The following WWOX variants were observed in gnomAD, a reference collection of about 807,000 sequenced individuals.
The protein encoded by WWOX is WW domain-containing oxidoreductase.
Under a neutral mutation model 46.2 loss-of-function variants are expected in WWOX, and 69 were observed. The observed-to-expected ratio is 1.49, with a 90% CI of 1.23 to 1.82. The LOEUF is 1.82. Ranked by LOEUF, WWOX falls within the 40% of genes most tolerant of loss-of-function variation. The pLI, the probability that WWOX is intolerant of heterozygous loss-of-function variation, is 0.00. For missense variants in WWOX, 919 were observed against 542.6 expected (o/e 1.69, Z -6.89); for synonymous variants, 359 against 202.6 (o/e 1.77, Z -6.56).
rs34129775 is a variant in WWOX at position 78,640,226 on chromosome 16, GTTTTTTTTTTTT to G, written c.1056+207491_1056+207502del. 1.4e-3 allele frequency among the ~76,000 whole-genome samples: 89 copies of G among 65,378 alleles called. No homozygotes were observed. In the Middle Eastern group the frequency reaches 0.047, roughly 34 times the overall value. The allele number at this position is 65,378 out of a possible 152,430, so 42.9% of individuals were successfully genotyped here. ...GTGTGTGTTTTCTTCTTGTTGTTGGGTTTTTTTTTTTTTTTTTTTTTTTTTTTTGGCTTTTGC... is the reference window on the plus strand; with the variant it reads ...GTGTGTGTTTTCTTCTTGTTGTTGGGTTTTTTTTTTTTTTTTGGCTTTTGC... On this transcript the variant is annotated intron_variant, in intron 8 of 8. Transcript: ENST00000566780.
At chr16:78,984,003 G>T (rs1037973459) in intron 8 of WWOX, among the ~76,000 whole-genome samples, 2 of 148,814 alleles carry the variant, frequency 1.3e-5, no homozygotes, top group Admixed American at 6.8e-5. Context: ...TCAGCCTCCC[G>T]AGTAGCTGGG....
At chr16:78,774,635 C>G (rs773602817) in intron 8 of WWOX, among the ~76,000 whole-genome samples, 9 of 152,034 alleles carry the variant, frequency 5.9e-5, no homozygotes, top group Admixed American at 5.9e-4. Flanking sequence ...TTGTTCTTAA[C>G]CATGAGGTGC....
intron 8 of WWOX, among the ~76,000 whole-genome samples, chr16:78,648,645 A>G (rs963330676): frequency 6.6e-5 from 10 of 152,204 alleles, no homozygotes; most frequent in East Asian, 5.8e-4. Flanking sequence ...CCCCAAACCA[A>G]TCATACAGGA....
Position 78,812,133 on chromosome 16 carries a change from A to C in WWOX, c.1056+379381A>C, listed in dbSNP as rs537722309. ...CCCAGCCACCACAGAGACCAAATAC[A>C]GTAGGTACCAATGCATGGCAATGCA... On this transcript the variant is annotated intron_variant, in intron 8 of 8. Transcript: ENST00000566780. Among the ~76,000 whole-genome samples, 3 of 152,230 alleles carry C rather than the reference A, an allele frequency of 2.0e-5. No homozygotes were observed. In the South Asian group the frequency reaches 6.2e-4, roughly 32 times the overall value.
intron 8 of WWOX, among the ~76,000 whole-genome samples, chr16:78,494,014 TTTAG>T (rs1877669713): frequency 6.6e-6 from 1 of 152,110 alleles, no homozygotes; most frequent in Admixed American, 6.5e-5. Context: ...AGAAGGGAGG[TTTAG>T]TTGGCTCGTG....
At chr16:78,836,491 A>T (rs1394754402) in intron 8 of WWOX, among the ~76,000 whole-genome samples, 1 of 152,146 alleles carries the variant, frequency 6.6e-6, no homozygotes, top group Admixed American at 6.6e-5. Context: ...AGGATCTCAC[A>T]TTGGTATTTT....
chr16:79,114,864 G>A (rs1268559753), intron 8 of WWOX, among the ~76,000 whole-genome samples: 1 of 152,196 alleles, frequency 6.6e-6, no homozygotes, highest in East Asian at 1.9e-4. Flanking sequence ...CCTTTAATGG[G>A]CGTAGATGTT....
intron 8 of WWOX, among the ~76,000 whole-genome samples, chr16:79,127,411 G>A (rs1376704589): frequency 6.6e-6 from 1 of 152,078 alleles, no homozygotes; most frequent in Non-Finnish European, 1.5e-5. Flanking sequence ...ATATATCTTA[G>A]AGATGGTTCT....
At chr16:78,847,920 A>C (rs1017161601) in intron 8 of WWOX, among the ~76,000 whole-genome samples, 1 of 152,174 alleles carries the variant, frequency 6.6e-6, no homozygotes, top group African/African-American at 2.4e-5. Context: ...CGTTGCTTAC[A>C]ACCCTGTGAC....
intron 8 of WWOX, among the ~76,000 whole-genome samples, chr16:78,636,473 TACTG>T: frequency 6.6e-6 from 1 of 152,340 alleles, no homozygotes; most frequent in Non-Finnish European, 1.5e-5. Context: ...AATAAACTGA[TACTG>T]ACTTAATGAG....
At chr16:79,006,050 G>A (rs767403161) in intron 8 of WWOX, among the ~76,000 whole-genome samples, 1 of 152,186 alleles carries the variant, frequency 6.6e-6, no homozygotes, top group Non-Finnish European at 1.5e-5. Context: ...GCTCAGCGCT[G>A]AGTGAACCCA....
At chr16:78,134,213 T>C (rs1047576905) in intron 4 of WWOX, among the ~76,000 whole-genome samples, 2 of 152,226 alleles carry the variant, frequency 1.3e-5, no homozygotes, top group African/African-American at 4.8e-5. Context: ...TTTAAAACCA[T>C]GTGATAGAAA....
intron 6 of WWOX, among the ~76,000 whole-genome samples, chr16:78,397,730 C>G (rs1201313506): frequency 1.3e-5 from 2 of 152,212 alleles, no homozygotes; most frequent in East Asian, 3.9e-4. Context: ...CTTCTTTCAG[C>G]CAATTTTCCT....
At chr16:78,782,332 GTTTTCCTACT>G (rs1567555993) in intron 8 of WWOX, among the ~76,000 whole-genome samples, 1 of 152,070 alleles carries the variant, frequency 6.6e-6, no homozygotes, top group Admixed American at 6.6e-5. Flanking sequence ...CATCCTCTCT[GTTTTCCTACT>G]TTTCTTTGGC....
At chr16:78,561,974 A>C (rs2044449996) in intron 8 of WWOX, among the ~76,000 whole-genome samples, 1 of 110,638 alleles carries the variant, frequency 9.0e-6, no homozygotes, top group South Asian at 2.6e-4. Flanking sequence ...CTTTTGCACC[A>C]ACCTAACAAT....
intron 8 of WWOX, among the ~76,000 whole-genome samples, chr16:78,900,726 A>G (rs1330437378): frequency 1.3e-5 from 2 of 152,366 alleles, no homozygotes; most frequent in African/African-American, 4.8e-5. Flanking sequence ...GGAATCATAA[A>G]AAACAATTCT....
At chr16:78,903,974 G>A (rs899537293) in intron 8 of WWOX, among the ~76,000 whole-genome samples, 1 of 152,128 alleles carries the variant, frequency 6.6e-6, no homozygotes, top group African/African-American at 2.4e-5. Context: ...GAGACTCCTT[G>A]TGTGTAGTAA....
chr16:78,764,681 C>T lies in WWOX; in HGVS notation c.1056+331929C>T, dbSNP rs547281701. ...TAACCAAGACAAGTGGCAGTCTAAGCCTCAGTTTCCTCATCTGCAAAATGG... is the reference window on the plus strand; with the variant it reads ...TAACCAAGACAAGTGGCAGTCTAAGTCTCAGTTTCCTCATCTGCAAAATGG... On this transcript the variant is annotated intron_variant, in intron 8 of 8. Transcript: ENST00000566780. Among the ~76,000 whole-genome samples the T allele has an allele frequency of 2.7e-5, 4 of 150,052 alleles. No homozygotes were observed. In the East Asian group the frequency reaches 8.0e-4, roughly 30 times the overall value.
intron 8 of WWOX, among the ~76,000 whole-genome samples, chr16:79,049,798 G>A (rs567512450): frequency 3.1e-4 from 45 of 143,376 alleles, no homozygotes; most frequent in Non-Finnish European, 5.5e-4. Flanking sequence ...TCATCCCACC[G>A]CACACCAGCC....
Sources: allele counts gnomAD v4.1 joint callset (sites outside exome capture counted in the v4.1 genomes callset), GRCh38; gene constraint gnomAD v4.1.1; transcripts MANE v1.5; gene names NCBI Gene and HGNC (gene_info 2026-07-23, HGNC 2026-07-21).